ERV3-1: variants seen among roughly 807,000 people sequenced by gnomAD.
The protein encoded by ERV3-1 is endogenous retrovirus group 3 member 1 Env polyprotein.
In ERV3-1, 36 loss-of-function variants were observed where a neutral mutation model predicts 24.6. The observed-to-expected ratio is 1.47, with a 90% CI of 1.12 to 1.94. The LOEUF (loss-of-function observed/expected upper bound fraction) is 1.94. Ranked by LOEUF, ERV3-1 falls within the 30% of genes most tolerant of loss-of-function variation. ERV3-1 has a pLI of 0.00. For synonymous variants in ERV3-1, 211 were observed against 122.6 expected (o/e 1.72, Z -4.76); for missense variants, 578 against 330.9 (o/e 1.75, Z -5.79).
At chr7:65,001,049 G>A (rs114956988) in intron 1 of ERV3-1, among the ~76,000 whole-genome samples, 1,938 of 152,240 alleles carry the variant, frequency 0.013, 35 homozygotes, top group African/African-American at 0.044. Context: ...GGTGGAGGGT[G>A]AAAGGACAAA....
intron 1 of ERV3-1, among the ~76,000 whole-genome samples, chr7:64,999,587 G>A (rs1258244894): frequency 6.6e-6 from 1 of 152,190 alleles, no homozygotes; most frequent in Non-Finnish European, 1.5e-5. Context: ...TTTTACAACA[G>A]GATTTGCAAC....
chr7:64,998,267 G>A (rs945673660), intron 1 of ERV3-1, among the ~76,000 whole-genome samples: 8 of 152,154 alleles, frequency 5.3e-5, no homozygotes, highest in African/African-American at 1.7e-4. Context: ...CTTGGCTCGA[G>A]CTATGAGCGT....
At chr7:64,997,309 A>G (rs1786424554) in intron 1 of ERV3-1, among the ~76,000 whole-genome samples, 1 of 152,162 alleles carries the variant, frequency 6.6e-6, no homozygotes, top group Non-Finnish European at 1.5e-5. Flanking sequence ...CATGCCCGTG[A>G]AACACTCTAG....
At chr7:65,006,403 C>CGA in intron 1 of ERV3-1, 138 bp downstream of exon 1, 1 of 1,385,288 alleles carries the variant, frequency 7.2e-7, no homozygotes, top group Non-Finnish European at 1.0e-6. Context: ...GACTGAGGGC[C>CGA]GAGCTGCGCC....
At chr7:64,995,708 C>A (rs1169803359) in intron 1 of ERV3-1, among the ~76,000 whole-genome samples, 2 of 152,194 alleles carry the variant, frequency 1.3e-5, no homozygotes, top group Non-Finnish European at 2.9e-5. Context: ...AATATTTAAC[C>A]TTTTCATGGC....
chr7:64,996,082 C>T (rs546765243), intron 1 of ERV3-1, among the ~76,000 whole-genome samples: 1 of 152,264 alleles, frequency 6.6e-6, no homozygotes, highest in African/African-American at 2.4e-5. Flanking sequence ...GTGGCACTTG[C>T]TAGAATAAGT....
At chr7:65,000,444 T>C (rs1487803520) in intron 1 of ERV3-1, among the ~76,000 whole-genome samples, 2 of 151,978 alleles carry the variant, frequency 1.3e-5, no homozygotes, top group Admixed American at 6.6e-5. Flanking sequence ...AGGATGGTCT[T>C]GATCTCCTGA....
chr7:64,991,942 C>T lies in ERV3-1; in HGVS notation c.1085G>A (p.Cys362Tyr). 1.3e-6 allele frequency: 1 copy of T among 766,344 alleles called. No homozygotes were observed. The highest frequency in any genetic ancestry group is 2.4e-6 in the Non-Finnish European group (1 of 417,886). 47.5% of individuals were successfully genotyped at this position (766,344 alleles called of 1,614,324 possible). A position where few individuals can be genotyped will look rare whatever the true frequency, so the allele number is the denominator to read the frequency against. The change falls in exon 2 of 2, where the codon TGC (cysteine) becomes TAC (tyrosine). Residue 362 changes from cysteine to tyrosine, a missense_variant. Physicochemically the swap from Cys to Tyr is radical, Grantham distance 194 (BLOSUM62 -2). Transcript: ENST00000394323. The stretch of plus-strand genomic sequence containing the variant: ...CTCGTTGTAATATTGTTGTCCTAGG[C>T]AAGTTAACTCTCCTACTGGGTCTGT... ...AFTDPVGELTCLGQQYYNETL... is the reference protein window; with the variant it reads ...AFTDPVGELTYLGQQYYNETL...
Position 64,992,460 on chromosome 7 carries a change from T to G in ERV3-1, c.567A>C (p.Glu189Asp). 1 of 766,392 alleles carries G rather than the reference T, an allele frequency of 1.3e-6. No homozygotes were observed. Among genetic ancestry groups the G allele is most frequent in the Non-Finnish European group, 2.4e-6 (1 of 417,906 alleles). 47.5% of individuals were successfully genotyped at this position (766,392 alleles called of 1,614,324 possible). Residue 189 changes from glutamate to aspartate, a missense_variant, in exon 2 of 2, where the codon GAA (glutamate) becomes GAC (aspartate). Transcript: ENST00000394323. ...TGCAAGTGCTTGTTTTACAATCTGG[T>G]TCTAATGGTATTTTGGTAAGCATAA... is the stretch of plus-strand genomic sequence containing the variant. ...GPIMLTKIPL[E>D]PDCKTSTCNS...
intron 1 of ERV3-1, among the ~76,000 whole-genome samples, chr7:64,995,828 G>A (rs967833210): frequency 6.6e-6 from 1 of 152,226 alleles, no homozygotes; most frequent in Non-Finnish European, 1.5e-5. Context: ...CCAAAAGAAG[G>A]TTGTCTATGT....
chr7:64,996,875 TG>T lies in ERV3-1; in HGVS notation c.-388-3462del, dbSNP rs140509998. On this transcript the variant is annotated intron_variant, in intron 1 of 1. Transcript: ENST00000394323. Reference sequence around the variant, plus strand: ...TACTTCTAATGTGACCATGGGCTCCTGGGGGGCTAAAGAGAAGGAGCCCAGT... The same window carrying T: ...TACTTCTAATGTGACCATGGGCTCCTGGGGGCTAAAGAGAAGGAGCCCAGT... 7.3e-3 allele frequency among the ~76,000 whole-genome samples: 1,111 copies of T among 152,298 alleles called. 12 individuals carry two copies. The highest frequency in any genetic ancestry group is 0.024 in the African/African-American group (981 of 41,558).
intron 1 of ERV3-1, chr7:65,006,234 G>A: frequency 1.2e-5 from 5 of 432,080 alleles, no homozygotes; most frequent in Non-Finnish European, 2.1e-5. Flanking sequence ...CTCCCCTGAC[G>A]ACCGTCCAGT....
rs113972745 is a variant in ERV3-1, at chr7:65,006,373, G to A, written c.-389+168C>T. ...CGGGGTCCGAGCTGTCAGCCCGGCC[G>A]CCATCCTATGGCTGAAGGGGACTGA... On this transcript the variant is annotated intron_variant, in intron 1 of 1. Coordinates refer to ENST00000394323, the MANE Select transcript of ERV3-1 (RefSeq NM_001007253.4). The A allele has an allele frequency of 5.1e-4, 585 of 1,155,126 alleles. 2 individuals carry two copies. Among genetic ancestry groups the A allele is most frequent in the South Asian group, 7.6e-4 (56 of 73,462 alleles). The allele number at this position is 1,155,126 out of a possible 1,614,324, so 71.6% of individuals were successfully genotyped here.
In ERV3-1 at chr7:64,992,179, A is replaced by G. The variant is rs1181186497; in HGVS notation, c.848T>C (p.Ile283Thr). The change falls in exon 2 of 2, where the codon ATA becomes ACA. Residue 283 changes from isoleucine to threonine, a missense_variant. Physicochemically the swap from Ile to Thr is moderately conservative, Grantham distance 89 (BLOSUM62 -1). Coordinates refer to ENST00000394323, the MANE Select transcript of ERV3-1 (RefSeq NM_001007253.4). ...TGAAGCAACGTGCAGGCTGCTGGCT[A>G]TGTTTTCAGCCAGTTGGGCGAATAA... is the stretch of plus-strand genomic sequence containing the variant. ...SNLFAQLAENIASSLHVASCY... is the reference protein window; with the variant it reads ...SNLFAQLAENTASSLHVASCY... The G allele has an allele frequency of 1.3e-6, 1 of 766,344 alleles. No individual in the cohort carries two copies. Among genetic ancestry groups the G allele is most frequent in the East Asian group, 2.4e-5 (1 of 41,236 alleles). The allele number at this position is 766,344 out of a possible 1,614,324, so 47.5% of individuals were successfully genotyped here. A position where few individuals can be genotyped will look rare whatever the true frequency, so the allele number is the denominator to read the frequency against.
At position 64,997,621 on chromosome 7, in the gene ERV3-1, T is replaced by C. The variant is rs113575677; in HGVS notation, c.-388-4207A>G. Among the ~76,000 whole-genome samples the C allele has an allele frequency of 5.7e-3, 870 of 152,228 alleles. 1 individual carries two copies. The highest frequency in any genetic ancestry group is 0.019 in the African/African-American group (809 of 41,544). The stretch of plus-strand genomic sequence containing the variant: ...CCAGTGTAGGCTGGCTTCTGGGAAT[T>C]GGCCCTGAGCATATATGCCTGGACA... On this transcript the variant is annotated intron_variant, in intron 1 of 1. Transcript: ENST00000394323.
At chr7:64,996,430 T>C (rs889659522) in intron 1 of ERV3-1, among the ~76,000 whole-genome samples, 17 of 152,198 alleles carry the variant, frequency 1.1e-4, no homozygotes, top group African/African-American at 3.9e-4. Flanking sequence ...CCAGGAATTT[T>C]ATCAATTGGC....
chr7:64,993,018 A>T lies in ERV3-1; in HGVS notation c.9T>A (p.Gly3=), dbSNP rs1157179742. 2.7e-6 allele frequency: 2 copies of T among 753,150 alleles called. No individual in the cohort carries two copies. The highest frequency in any genetic ancestry group is 4.9e-6 in the Non-Finnish European group (2 of 408,520). 46.7% of individuals were successfully genotyped at this position (753,150 alleles called of 1,614,324 possible). The change falls in exon 2 of 2, where the codon GGT becomes GGA. Residue 3 remains glycine, a synonymous_variant. Transcript: ENST00000394323. ...ACAAAGTGATGAGTAGCATGTTCAT[A>T]CCCAGCATGGACAGAAAAGGCTTTT... ML[G]MNMLLITLFL...
chr7:65,004,280 T>A (rs1306528553), intron 1 of ERV3-1: 3 of 152,256 alleles, frequency 2.0e-5, no homozygotes, highest in Admixed American at 6.5e-5. Flanking sequence ...GGAGAATCAC[T>A]TGAACCCAGA....
chr7:64,991,261 G>A lies in ERV3-1; in HGVS notation c.1766C>T (p.Ala589Val), dbSNP rs778922657. 9.4e-6 allele frequency: 7 copies of A among 745,666 alleles called. No individual in the cohort carries two copies. The highest frequency in any genetic ancestry group is 1.7e-5 in the Non-Finnish European group (7 of 407,106). The allele number at this position is 745,666 out of a possible 1,614,324, so 46.2% of individuals were successfully genotyped here. A position where few individuals can be genotyped will look rare whatever the true frequency, so the allele number is the denominator to read the frequency against. Residue 589 changes from alanine (A) to valine (V), a missense_variant, in exon 2 of 2, where the codon GCT becomes GTT. Physicochemically the swap from Ala to Val is moderately conservative, Grantham distance 64. Coordinates refer to ENST00000394323, the MANE Select transcript of ERV3-1 (RefSeq NM_001007253.4). ...GATGTGAGCTAACTTTTGGATTTTA[G>A]CAGTTATTTCTTTGATGACCTTTCC... is the stretch of plus-strand genomic sequence containing the variant. ...DEGKVIKEIT[A>V]KIQKLAHIPV...
Sources: allele counts gnomAD v4.1 joint callset (sites outside exome capture counted in the v4.1 genomes callset), GRCh38; gene constraint gnomAD v4.1.1; transcripts MANE v1.5; gene names NCBI Gene and HGNC (gene_info 2026-07-23, HGNC 2026-07-21).